Variants in SUCLG1 observed in about 807,000 individuals in gnomAD.
SUCLG1 encodes the protein succinate-CoA ligase GDP/ADP-forming subunit alpha.
In SUCLG1, 26 loss-of-function variants were observed where a neutral mutation model predicts 37.3. The observed-to-expected ratio is 0.70, with a 90% CI of 0.51 to 0.97. The LOEUF (loss-of-function observed/expected upper bound fraction) is 0.97. Among genes scored for constraint, SUCLG1 ranks in the 50% least tolerant of loss-of-function variants. The pLI is 0.00. For synonymous variants in SUCLG1, 163 were observed against 155.6 expected (o/e 1.05, Z -0.36); for missense variants, 433 against 432.9 (o/e 1.00, Z 0.00).
In SUCLG1 at chr2:84,431,396, T is replaced by G. The variant is rs527586632; in HGVS notation, c.825+112A>C. 8 of 1,435,984 alleles carry G rather than the reference T, an allele frequency of 5.6e-6. No homozygotes were observed. The South Asian group carries it at 8.4e-5, about 15-fold the overall frequency. 89.0% of individuals were successfully genotyped at this position (1,435,984 alleles called of 1,614,324 possible). ...TATAGAAGGCCCTGCTCAGAAAGTT[T>G]TATCTTTCATGTTTTCTCAAAAAAT... On this transcript the variant is annotated intron_variant, in intron 7 of 8. Transcript: ENST00000393868.
chr2:84,453,282 A>T (rs903283148), intron 1 of SUCLG1, among the ~76,000 whole-genome samples: 1 of 152,184 alleles, frequency 6.6e-6, no homozygotes, highest in African/African-American at 2.4e-5. Flanking sequence ...CAACATGAAG[A>T]GCCAACAAAA....
chr2:84,458,280 C>T (rs1234020468), intron 1 of SUCLG1, among the ~76,000 whole-genome samples: 2 of 152,042 alleles, frequency 1.3e-5, no homozygotes, highest in African/African-American at 4.8e-5. Context: ...TAATGGTCCA[C>T]CTTACAAGTG....
intron 8 of SUCLG1, 111 bp from the exon 9 acceptor site, chr2:84,423,883 G>C: frequency 8.7e-7 from 1 of 1,154,462 alleles, no homozygotes; most frequent in Non-Finnish European, 1.2e-6. Flanking sequence ...AGGATCCCCT[G>C]AACAATCAAA....
At chr2:84,454,732 G>C (rs1009227535) in intron 1 of SUCLG1, among the ~76,000 whole-genome samples, 1 of 152,204 alleles carries the variant, frequency 6.6e-6, no homozygotes, top group African/African-American at 2.4e-5. Flanking sequence ...ATTTGTACCT[G>C]TCAGCCACAT....
chr2:84,438,419 T>C (rs1438925656), intron 5 of SUCLG1, among the ~76,000 whole-genome samples: 1 of 152,250 alleles, frequency 6.6e-6, no homozygotes, highest in Non-Finnish European at 1.5e-5. Flanking sequence ...CTTTCTTCGA[T>C]AACACTCAAT....
At chr2:84,438,726 C>T (rs1362653311) in intron 5 of SUCLG1, among the ~76,000 whole-genome samples, 1 of 152,180 alleles carries the variant, frequency 6.6e-6, no homozygotes, top group East Asian at 1.9e-4. Flanking sequence ...TGAGTGGGGA[C>T]TTGGAGAAAT....
intron 5 of SUCLG1, among the ~76,000 whole-genome samples, chr2:84,436,212 A>C (rs1236964628): frequency 1.3e-5 from 2 of 152,190 alleles, no homozygotes; most frequent in Non-Finnish European, 2.9e-5. Flanking sequence ...GTGTTACAGC[A>C]AACACTACTA....
At chr2:84,455,713 G>A (rs1673008866) in intron 1 of SUCLG1, among the ~76,000 whole-genome samples, 1 of 151,914 alleles carries the variant, frequency 6.6e-6, no homozygotes, top group African/African-American at 2.4e-5. Context: ...GCGGGTGCCT[G>A]TAGTCCCAGC....
intron 5 of SUCLG1, among the ~76,000 whole-genome samples, 184 bp downstream of exon 5, chr2:84,440,863 C>T (rs761426578): frequency 3.9e-5 from 6 of 152,190 alleles, no homozygotes; most frequent in South Asian, 2.1e-4. Flanking sequence ...AGAATTGTAA[C>T]GGCTTCTCAA....
rs1261726781 is a variant in SUCLG1 at position 84,459,256 on chromosome 2, A to T, written c.14T>A (p.Leu5His). The change falls in exon 1 of 9, where the codon CTT (leucine) becomes CAT (histidine). Residue 5 changes from leucine to histidine, a missense_variant. Transcript: ENST00000393868. ...GGTAGCGATGTCAGCGGCAGCGGCAAGGGTTGCGGTCATACGCCAATGACA... is the reference window on the plus strand; with the variant it reads ...GGTAGCGATGTCAGCGGCAGCGGCATGGGTTGCGGTCATACGCCAATGACA... MTAT[L>H]AAAADIATMV... 6.4e-7 allele frequency: 1 copy of T among 1,550,662 alleles called. No individual in the cohort carries two copies.
chr2:84,451,866 A>T (rs1290720284), intron 1 of SUCLG1, among the ~76,000 whole-genome samples: 1 of 152,210 alleles, frequency 6.6e-6, no homozygotes, highest in East Asian at 1.9e-4. Flanking sequence ...ACTTCTAGAT[A>T]AGCTGGAACT....
At chr2:84,442,907 A>C (rs1382399497) in intron 3 of SUCLG1, among the ~76,000 whole-genome samples, 1 of 152,194 alleles carries the variant, frequency 6.6e-6, no homozygotes, top group Admixed American at 6.5e-5. Context: ...CCTACCTCCG[A>C]GGGTTGTAGT....
intron 5 of SUCLG1, among the ~76,000 whole-genome samples, chr2:84,439,313 T>G (rs1188429478): frequency 1.3e-5 from 2 of 152,152 alleles, no homozygotes; most frequent in Non-Finnish European, 2.9e-5. Context: ...CTTCTCTTGA[T>G]TTTCATTTTT....
At chr2:84,429,255 T>C (rs920501757) in intron 7 of SUCLG1, among the ~76,000 whole-genome samples, 10 of 152,174 alleles carry the variant, frequency 6.6e-5, no homozygotes, top group Non-Finnish European at 1.2e-4. Flanking sequence ...AAAATGTCTA[T>C]GTTTCATTTT....
chr2:84,452,483 A>G (rs1047667128), intron 1 of SUCLG1, among the ~76,000 whole-genome samples: 1 of 152,234 alleles, frequency 6.6e-6, no homozygotes, highest in African/African-American at 2.4e-5. Context: ...AAGAATTCCT[A>G]TATCTTCACA....
In SUCLG1 at chr2:84,431,569, A is replaced by G. The variant is rs924067038; in HGVS notation, c.764T>C (p.Ile255Thr). Residue 255 changes from isoleucine (I) to threonine (T), a missense_variant, in exon 7 of 9, where the codon ATT becomes ACT. Coordinates refer to ENST00000393868, the MANE Select transcript of SUCLG1 (RefSeq NM_003849.4). ...NDSATEGIIL[I>T]GEIGGNAEEN... ...TTCTGCATTACCACCAATTTCACCAATCAATATGATGCCTTCTGTGGCAGA... is the reference window on the plus strand; with the variant it reads ...TTCTGCATTACCACCAATTTCACCAGTCAATATGATGCCTTCTGTGGCAGA... 3 of 1,613,948 alleles carry G rather than the reference A, an allele frequency of 1.9e-6. No homozygotes were observed. In the African/African-American group the frequency reaches 4.0e-5, roughly 22 times the overall value.
intron 7 of SUCLG1, among the ~76,000 whole-genome samples, chr2:84,429,503 G>C (rs1487369561): frequency 6.6e-6 from 1 of 151,998 alleles, no homozygotes; most frequent in East Asian, 1.9e-4. Flanking sequence ...ACTGTGCCAG[G>C]GGACTGGGCA....
chr2:84,442,499 T>C (rs1231592865), intron 3 of SUCLG1, among the ~76,000 whole-genome samples: 1 of 152,188 alleles, frequency 6.6e-6, no homozygotes, highest in Non-Finnish European at 1.5e-5. Context: ...TATATTCATA[T>C]AAGAGTCAAA....
At position 84,424,890 on chromosome 2, in the gene SUCLG1, G is replaced by A. The variant is rs186334087; in HGVS notation, c.1014+525C>T. Among the ~76,000 whole-genome samples the A allele has an allele frequency of 3.7e-3, 567 of 152,134 alleles. 3 individuals are homozygous for A. Among genetic ancestry groups the A allele is most frequent in the South Asian group, 6.0e-3 (29 of 4,818 alleles). ...AAACCAAAAACAAACCAAAAAAATG[G>A]TTAACAATGGTATCACAACATAGCC... On this transcript the variant is annotated intron_variant, in intron 8 of 8. Coordinates refer to ENST00000393868, the MANE Select transcript of SUCLG1 (RefSeq NM_003849.4).
Sources: allele counts gnomAD v4.1 joint callset (sites outside exome capture counted in the v4.1 genomes callset), GRCh38; gene constraint gnomAD v4.1.1; transcripts MANE v1.5; gene names NCBI Gene and HGNC (gene_info 2026-07-23, HGNC 2026-07-21).